Variants in PFKM observed in about 807,000 individuals in gnomAD.
PFKM encodes phosphofructokinase, muscle.
In PFKM, 58 loss-of-function variants were observed where a neutral mutation model predicts 95.5. The ratio of observed to expected loss-of-function variants is 0.61; its 90% CI spans 0.49 to 0.76. The LOEUF is 0.76. Among genes scored for constraint, PFKM ranks in the 30% least tolerant of loss-of-function variants. PFKM has a pLI of 0.00. For synonymous variants in PFKM, 336 were observed against 357.2 expected (o/e 0.94, Z 0.67); for missense variants, 678 against 1,005.4 (o/e 0.67, Z 4.40).
chr12:48,142,941 C>G lies in PFKM; in HGVS notation c.1813C>G (p.Leu605Val). The change falls in exon 18 of 23, where the codon CTG (leucine) becomes GTG (valine). Residue 605 changes from leucine (L) to valine (V), a missense_variant. Transcript: ENST00000359794. The stretch of plus-strand genomic sequence containing the variant: ...TGAGGAGCCCTTCACCATTCGAGAC[C>G]TGCAGGTAGCTGGCCACCCAGAGCC... ...IFEEPFTIRD[L>V]QANVEHLVQK... 1 of 1,613,502 alleles carries G rather than the reference C, an allele frequency of 6.2e-7. No homozygotes were observed. The highest frequency in any genetic ancestry group is 8.5e-7 in the Non-Finnish European group (1 of 1,179,962).
intron 1 of PFKM, 66 bp from the exon 2 acceptor site, chr12:48,122,701 C>T (rs1238768008): frequency 6.8e-6 from 11 of 1,609,172 alleles, no homozygotes; most frequent in Non-Finnish European, 9.3e-6. Flanking sequence ...GTCTAATTGC[C>T]GTTCCTTTAG....
At position 48,139,332 on chromosome 12, in the gene PFKM, C is replaced by T; in HGVS notation, c.1110C>T (p.Ala370=). Residue 370 remains alanine, a synonymous_variant, in exon 12 of 23, where the codon GCC becomes GCT. Coordinates refer to ENST00000359794, the MANE Select transcript of PFKM (RefSeq NM_000289.6). ...TGGATGAGAAGAAATTTGACGAAGCCCTGAAGCTGAGAGGCCGGTGAGGAG... is the reference window on the plus strand; with the variant it reads ...TGGATGAGAAGAAATTTGACGAAGCTCTGAAGCTGAGAGGCCGGTGAGGAG... The part of the protein sequence containing the change: ...KAMDEKKFDE[A]LKLRGRSFMN... The T allele has an allele frequency of 6.2e-7, 1 of 1,613,684 alleles. No individual in the cohort carries two copies. The highest frequency in any genetic ancestry group is 1.3e-5 in the African/African-American group (1 of 74,982).
intron 1 of PFKM, among the ~76,000 whole-genome samples, chr12:48,122,172 A>T (rs896948268): frequency 1.3e-5 from 2 of 152,172 alleles, no homozygotes; most frequent in Admixed American, 1.3e-4. Flanking sequence ...CATTCTTGAG[A>T]CTGACACCAT....
chr12:48,116,683 T>C (rs113050643), upstream of PFKM, among the ~76,000 whole-genome samples: 113 of 152,332 alleles, frequency 7.4e-4, no homozygotes, highest in African/African-American at 2.3e-3. Context: ...TTCACCATGT[T>C]GCCCAGTCTG....
intron 1 of PFKM, among the ~76,000 whole-genome samples, chr12:48,120,962 C>T (rs967880106): frequency 6.6e-6 from 1 of 152,166 alleles, no homozygotes; most frequent in Non-Finnish European, 1.5e-5. Flanking sequence ...ACCAGCTTGA[C>T]CGACATGGTG....
At chr12:48,137,368 G>C (rs900194224) in intron 10 of PFKM, 5 of 349,152 alleles carry the variant, frequency 1.4e-5, no homozygotes, top group African/African-American at 1.1e-4. Context: ...TAGACACTCA[G>C]TTTAAACCCT....
At chr12:48,122,721 T>C in intron 1 of PFKM, 46 bp from the exon 2 acceptor site, 1 of 1,613,066 alleles carries the variant, frequency 6.2e-7, no homozygotes, top group Non-Finnish European at 8.5e-7. Flanking sequence ...GCTAGTGGCA[T>C]CTTGATTCCT....
At chr12:48,138,459 G>A (rs1174656807) in intron 11 of PFKM, among the ~76,000 whole-genome samples, 3 of 152,114 alleles carry the variant, frequency 2.0e-5, no homozygotes, top group Non-Finnish European at 1.5e-5. Context: ...TGGTTCTGAG[G>A]GCTGGTCTAA....
chr12:48,133,010 C>T lies in PFKM; in HGVS notation c.380C>T (p.Thr127Ile), dbSNP rs377343614. 1.2e-6 allele frequency: 2 copies of T among 1,614,172 alleles called. No homozygotes were observed. The highest frequency in any genetic ancestry group is 1.7e-6 in the Non-Finnish European group (2 of 1,180,028). The change falls in exon 5 of 23, where the codon ACC becomes ATC. Residue 127 changes from threonine to isoleucine, a missense_variant. Thr to Ile is a moderately conservative substitution (Grantham distance 89, BLOSUM62 -1). Transcript: ENST00000359794. ...GGDGSLTGAD[T>I]FRSEWSDLLS... ...GATGGCAGCCTCACTGGGGCTGACA[C>T]CTTCCGTTCTGAGTGGAGTGACTTG...
At chr12:48,138,859 C>T (rs1273480098) in intron 11 of PFKM, among the ~76,000 whole-genome samples, 1 of 152,040 alleles carries the variant, frequency 6.6e-6, no homozygotes, top group African/African-American at 2.4e-5. Context: ...TTGAGACCAT[C>T]CTGGCTAACA....
At chr12:48,130,036 C>T (rs529376281) in intron 2 of PFKM, among the ~76,000 whole-genome samples, 1 of 152,288 alleles carries the variant, frequency 6.6e-6, no homozygotes. Context: ...CAGTGTCTAG[C>T]CCACAATACA....
At chr12:48,133,571 C>T in intron 6 of PFKM, 91 bp downstream of exon 6, 1 of 1,177,004 alleles carries the variant, frequency 8.5e-7, no homozygotes, top group Non-Finnish European at 1.3e-6. Flanking sequence ...AGCGTTTGAG[C>T]TATGGTGACT....
intron 2 of PFKM, chr12:48,107,994 G>A: frequency 1.3e-6 from 2 of 1,481,848 alleles, no homozygotes; most frequent in Non-Finnish European, 1.8e-6. Flanking sequence ...CAGAGTCATA[G>A]GGAAAATGAA....
At position 48,142,199 on chromosome 12, in the gene PFKM, A is replaced by T. The variant is rs1950633752; in HGVS notation, c.1653+133A>T. The T allele has an allele frequency of 3.1e-6, 3 of 961,826 alleles. No individual in the cohort carries two copies. The Admixed American group carries it at 5.7e-5, about 18-fold the overall frequency. The allele number at this position is 961,826 out of a possible 1,614,324, so 59.6% of individuals were successfully genotyped here. A position where few individuals can be genotyped will look rare whatever the true frequency, so the allele number is the denominator to read the frequency against. Reference sequence around the variant, plus strand: ...TTTGAAAATGATTCTTCAGCTGGGCATGGTGGCTCACACTTCTAATCCCAG... The same window carrying T: ...TTTGAAAATGATTCTTCAGCTGGGCTTGGTGGCTCACACTTCTAATCCCAG... On this transcript the variant is annotated intron_variant, in intron 17 of 22. Coordinates refer to ENST00000359794, the MANE Select transcript of PFKM (RefSeq NM_000289.6).
rs1380514716 is a variant in PFKM at position 48,146,282 on chromosome 12, A to G, written c.*574A>G. On this transcript the variant is annotated 3_prime_UTR_variant, in exon 23 of 23. Coordinates refer to ENST00000359794, the MANE Select transcript of PFKM (RefSeq NM_000289.6). ...TGAAAAATTGTCACTGCCAAACTCT[A>G]AAAACAGTTCTAAATAGTGACTGAG... is the stretch of plus-strand genomic sequence containing the variant. The G allele has an allele frequency of 6.2e-6, 1 of 161,090 alleles. No individual in the cohort carries two copies. Among genetic ancestry groups the G allele is most frequent in the Non-Finnish European group, 1.4e-5 (1 of 72,692 alleles). The allele number at this position is 161,090 out of a possible 1,614,324, so 10.0% of individuals were successfully genotyped here. A position where few individuals can be genotyped will look rare whatever the true frequency, so the allele number is the denominator to read the frequency against.
chr12:48,132,826 T>G, intron 4 of PFKM, 42 bp from the exon 5 acceptor site: 3 of 1,534,148 alleles, frequency 2.0e-6, no homozygotes, highest in Non-Finnish European at 2.7e-6. Flanking sequence ...CTCAGCATGT[T>G]GAGCCCTGTC....
Position 48,139,908 on chromosome 12 carries a change from C to T in PFKM, c.1187C>T (p.Ser396Phe), listed in dbSNP as rs12317430. 1.2e-6 allele frequency: 2 copies of T among 1,608,370 alleles called. No individual in the cohort carries two copies. Among genetic ancestry groups the T allele is most frequent in the African/African-American group, 2.7e-5 (2 of 74,834 alleles). ...KLLAHVRPPV[S>F]KSGSHTVAVM... The stretch of plus-strand genomic sequence containing the variant: ...CTAGCTCATGTCAGACCCCCGGTAT[C>T]TAAGGTACTGGCAAGTTGACTTGCC... Residue 396 changes from serine (S) to phenylalanine (F), a missense_variant, in exon 13 of 23, where the codon TCT (serine) becomes TTT (phenylalanine). Ser to Phe is a radical substitution (Grantham distance 155, BLOSUM62 -2). Transcript: ENST00000359794.
chr12:48,123,164 T>G (rs149234126), intron 2 of PFKM, among the ~76,000 whole-genome samples: 2 of 152,168 alleles, frequency 1.3e-5, no homozygotes, highest in Non-Finnish European at 2.9e-5. Context: ...GATAAAGTTA[T>G]TGAGAAGGCA....
intron 3 of PFKM, among the ~76,000 whole-genome samples, chr12:48,130,923 CT>C (rs1392623603): frequency 1.3e-5 from 2 of 152,156 alleles, no homozygotes; most frequent in Non-Finnish European, 2.9e-5. Flanking sequence ...ATTTTATAAT[CT>C]TTTAGAGCAA....
Sources: allele counts gnomAD v4.1 joint callset (sites outside exome capture counted in the v4.1 genomes callset), GRCh38; gene constraint gnomAD v4.1.1; transcripts MANE v1.5; gene names NCBI Gene and HGNC (gene_info 2026-07-23, HGNC 2026-07-21).